ZNF81: variants seen among roughly 807,000 people sequenced by gnomAD.
ZNF81 encodes the protein zinc finger protein 81.
In ZNF81, 5 loss-of-function variants were observed where a neutral mutation model predicts 32.3. The observed-to-expected ratio is 0.15, with a 90% CI of 0.08 to 0.33. The LOEUF (loss-of-function observed/expected upper bound fraction) is 0.33. ZNF81 is among the 10% of genes least tolerant of loss of function. The pLI, the probability that ZNF81 is intolerant of heterozygous loss-of-function variation, is 1.00. For missense variants in ZNF81, 379 were observed against 479.8 expected (o/e 0.79, Z 1.96); for synonymous variants, 163 against 166.8 (o/e 0.98, Z 0.17).
chrX:47,890,944 T>C (rs2058660241), intron 3 of ZNF81, among the ~76,000 whole-genome samples: 1 of 112,172 alleles, frequency 8.9e-6, no homozygotes, highest in African/African-American at 3.2e-5. Flanking sequence ...CTCTCTGATA[T>C]GTAAATATCT....
At chrX:47,898,114 G>A (rs1556887460) in intron 4 of ZNF81, among the ~76,000 whole-genome samples, 2 of 111,453 alleles carry the variant, frequency 1.8e-5, no homozygotes, top group Non-Finnish European at 3.8e-5. Context: ...AAGGTCAGAA[G>A]GCTAGGCAGA....
In ZNF81 at chrX:47,913,583, G is replaced by A. The variant is rs782241314; in HGVS notation, c.278-1341G>A. 5.4e-5 allele frequency among the ~76,000 whole-genome samples: 6 copies of A among 112,144 alleles called. No homozygotes were observed. In the East Asian group the frequency reaches 1.7e-3, roughly 31 times the overall value. On this transcript the variant is annotated intron_variant, in intron 4 of 4. Coordinates refer to ENST00000338637, the MANE Select transcript of ZNF81 (RefSeq NM_007137.5). ...GTGAAGTAAAATTCATTCATTTATT[G>A]TATTTTGATCATATTCATTCTTCAC...
chrX:47,840,828 C>G (rs2148001504), intron 1 of ZNF81: 1 of 358,698 alleles, frequency 2.8e-6, no homozygotes, highest in Admixed American at 4.4e-5. Context: ...TTTTCTTTGA[C>G]CCTTCCTTTC....
chrX:47,856,826 C>T (rs1378779667), intron 2 of ZNF81, among the ~76,000 whole-genome samples: 2 of 111,420 alleles, frequency 1.8e-5, no homozygotes, highest in African/African-American at 6.5e-5. Context: ...ATCCCAGCTA[C>T]TCGGGAGGCT....
chrX:47,875,084 C>T (rs181300079), intron 2 of ZNF81, among the ~76,000 whole-genome samples: 8 of 60,126 alleles, frequency 1.3e-4, no homozygotes, highest in African/African-American at 4.7e-4. Context: ...TTTGAGGCCA[C>T]GGGGGTGGGG....
At chrX:47,858,687 T>C (rs1394720529) in intron 2 of ZNF81, among the ~76,000 whole-genome samples, 4 of 112,311 alleles carry the variant, frequency 3.6e-5, no homozygotes, top group African/African-American at 1.3e-4. Context: ...CATTTTTCTA[T>C]ATAATATGTG....
At chrX:47,886,928 G>A (rs1331177539) in intron 2 of ZNF81, among the ~76,000 whole-genome samples, 4 of 111,666 alleles carry the variant, frequency 3.6e-5, no homozygotes, top group Non-Finnish European at 7.5e-5. Context: ...TAGTTGTTAT[G>A]TGTATGAAGG....
chrX:47,867,226 G>A (rs1325973768), intron 2 of ZNF81, among the ~76,000 whole-genome samples: 1 of 111,515 alleles, frequency 9.0e-6, no homozygotes, highest in Non-Finnish European at 1.9e-5. Context: ...TAACAAACCT[G>A]CACATCCTGC....
At chrX:47,899,525 G>A (rs1170567433) in intron 4 of ZNF81, among the ~76,000 whole-genome samples, 4 of 109,452 alleles carry the variant, frequency 3.7e-5, no homozygotes, top group Middle Eastern at 4.7e-3. Flanking sequence ...AAAAGTTTGC[G>A]TTTTTCATGA....
At position 47,918,115 on chromosome X, in the gene ZNF81, T is replaced by C. The variant is rs1256497047; in HGVS notation, c.*1483T>C. The C allele has an allele frequency of 9.0e-6, 1 of 110,820 alleles. No homozygotes were observed. Among genetic ancestry groups the C allele is most frequent in the Non-Finnish European group, 1.9e-5 (1 of 53,013 alleles). The allele number at this position is 110,820 out of a possible 1,213,427, so 9.1% of individuals were successfully genotyped here. A position where few individuals can be genotyped will look rare whatever the true frequency, so the allele number is the denominator to read the frequency against. ...ATGGGAAGTATCAGTTTGCTTCTTT[T>C]AGCTGCATATGATACGATACAGAAA... On this transcript the variant is annotated 3_prime_UTR_variant, in exon 5 of 5. Coordinates refer to ENST00000338637, the MANE Select transcript of ZNF81 (RefSeq NM_007137.5).
chrX:47,905,440 GT>G (rs2148039460), intron 4 of ZNF81, among the ~76,000 whole-genome samples: 1 of 101,347 alleles, frequency 9.9e-6, no homozygotes, highest in South Asian at 4.6e-4. Context: ...AAAAGAACTT[GT>G]GAGATGAAAC....
chrX:47,852,479 TATGTA>T (rs1285298508), intron 2 of ZNF81, among the ~76,000 whole-genome samples: 2 of 112,315 alleles, frequency 1.8e-5, no homozygotes, highest in Non-Finnish European at 3.8e-5. Flanking sequence ...TCTTTCAGTT[TATGTA>T]ATATTCTAAA....
chrX:47,843,510 C>T (rs1263229107), intron 1 of ZNF81, among the ~76,000 whole-genome samples: 1 of 107,516 alleles, frequency 9.3e-6, no homozygotes, highest in Non-Finnish European at 1.9e-5. Flanking sequence ...TTTTTTATGA[C>T]ATTGGTCATT....
chrX:47,860,002 A>G (rs782547518), intron 2 of ZNF81, among the ~76,000 whole-genome samples: 1 of 110,587 alleles, frequency 9.0e-6, no homozygotes, highest in South Asian at 3.9e-4. Flanking sequence ...AAAAATATAT[A>G]TATTTGGTTC....
chrX:47,896,887 A>T (rs1392089732), intron 4 of ZNF81, among the ~76,000 whole-genome samples: 1 of 112,136 alleles, frequency 8.9e-6, no homozygotes, highest in Non-Finnish European at 1.9e-5. Context: ...TTTGCAATTC[A>T]TCCATGTTAT....
At chrX:47,882,881 C>G (rs1556885322) in intron 2 of ZNF81, among the ~76,000 whole-genome samples, 2 of 112,317 alleles carry the variant, frequency 1.8e-5, no homozygotes, top group African/African-American at 6.5e-5. Flanking sequence ...ATCCCAGCTA[C>G]TAGGGAGGCT....
At position 47,921,570 on chromosome X, in the gene ZNF81, C is replaced by T. The variant is rs2058777166; in HGVS notation, c.*4938C>T. On this transcript the variant is annotated 3_prime_UTR_variant, in exon 5 of 5. Transcript: ENST00000338637. The stretch of plus-strand genomic sequence containing the variant: ...TATTCTCACTCTTATATAATCCCCT[C>T]CTCTTGAGTTTGGACTGGAATTAGT... 9.0e-6 allele frequency: 1 copy of T among 111,101 alleles called. No individual in the cohort carries two copies. Among genetic ancestry groups the T allele is most frequent in the South Asian group, 3.9e-4 (1 of 2,570 alleles). 9.2% of individuals were successfully genotyped at this position (111,101 alleles called of 1,213,427 possible).
chrX:47,893,022 T>C (rs1313801236), intron 3 of ZNF81, among the ~76,000 whole-genome samples: 1 of 112,615 alleles, frequency 8.9e-6, no homozygotes, highest in Admixed American at 9.3e-5. Flanking sequence ...CAAAGGAGAC[T>C]CAAGAATTTA....
rs1213127513 is a variant in ZNF81, at chrX:47,846,003, C to A, written c.-163-102C>A. On this transcript the variant is annotated intron_variant, in intron 1 of 4. Transcript: ENST00000338637. ...ATATGTGTTTCTTGGACTTTATCTA[C>A]TTCACAGTATCCAGTGCAGTGAACT... 4 of 428,485 alleles carry A rather than the reference C, an allele frequency of 9.3e-6. No homozygotes were observed. The Admixed American group carries it at 9.5e-5, about 10-fold the overall frequency. The allele number at this position is 428,485 out of a possible 1,213,427, so 35.3% of individuals were successfully genotyped here.
Sources: allele counts gnomAD v4.1 joint callset (sites outside exome capture counted in the v4.1 genomes callset), GRCh38; gene constraint gnomAD v4.1.1; transcripts MANE v1.5; gene names NCBI Gene and HGNC (gene_info 2026-07-23, HGNC 2026-07-21).